Variants in TBC1D22A observed in about 807,000 individuals in gnomAD.
TBC1D22A encodes the protein putative GTPase activator.
In TBC1D22A, 38 loss-of-function variants were observed where a neutral mutation model predicts 60.2. The observed-to-expected ratio is 0.63, with a 90% CI of 0.49 to 0.83. The LOEUF (loss-of-function observed/expected upper bound fraction) is 0.83. Ranked by LOEUF, TBC1D22A falls within the 40% of genes least tolerant of loss-of-function variation. The probability of loss-of-function intolerance (pLI) is 0.00; values close to 1 mark genes in which losing one functional copy is unlikely to be tolerated. For missense variants in TBC1D22A, 628 were observed against 701.0 expected (o/e 0.90, Z 1.18); for synonymous variants, 302 against 281.7 (o/e 1.07, Z -0.72).
chr22:47,034,539 C>T (rs944594764), intron 10 of TBC1D22A, among the ~76,000 whole-genome samples: 7 of 152,180 alleles, frequency 4.6e-5, no homozygotes, highest in African/African-American at 1.7e-4. Flanking sequence ...TTTGGGAATC[C>T]CTGAGGTCAC....
chr22:47,013,019 C>G (rs746218701), intron 10 of TBC1D22A, among the ~76,000 whole-genome samples: 4 of 152,116 alleles, frequency 2.6e-5, no homozygotes, highest in Admixed American at 6.6e-5. Flanking sequence ...TGGGGTGGAC[C>G]GGGAGAGGGC....
chr22:46,801,263 A>T (rs1233752817), intron 4 of TBC1D22A, among the ~76,000 whole-genome samples: 3 of 152,236 alleles, frequency 2.0e-5, no homozygotes, highest in African/African-American at 4.8e-5. Flanking sequence ...CTGTTTTTAT[A>T]AGGCAGTTAA....
Position 46,845,115 on chromosome 22 carries a change from G to C in TBC1D22A, c.638-33538G>C, listed in dbSNP as rs181742245. Among the ~76,000 whole-genome samples, 439 of 152,326 alleles carry C rather than the reference G, an allele frequency of 2.9e-3. 2 individuals are homozygous for C. The highest frequency in any genetic ancestry group is 5.0e-3 in the Non-Finnish European group (338 of 68,028). ...CCTGTGCCAGGAGAAGGCCATTTTG[G>C]TGAGACGAGGAATGTCTTTGTTGAT... On this transcript the variant is annotated intron_variant, in intron 4 of 12. Coordinates refer to ENST00000337137, the MANE Select transcript of TBC1D22A (RefSeq NM_014346.5).
intron 7 of TBC1D22A, among the ~76,000 whole-genome samples, chr22:46,897,246 G>T (rs1426642645): frequency 2.0e-5 from 3 of 152,112 alleles, no homozygotes; most frequent in African/African-American, 7.2e-5. Flanking sequence ...CAGCTCAAGG[G>T]CCTGGTAACT....
chr22:47,114,240 A>G (rs2065950102), intron 12 of TBC1D22A, among the ~76,000 whole-genome samples: 1 of 145,080 alleles, frequency 6.9e-6, no homozygotes, highest in Non-Finnish European at 1.5e-5. Flanking sequence ...CCACACGGCC[A>G]GGGTGTGGGG....
chr22:47,136,820 G>A (rs1268269294), intron 12 of TBC1D22A, among the ~76,000 whole-genome samples: 1 of 152,140 alleles, frequency 6.6e-6, no homozygotes, highest in Non-Finnish European at 1.5e-5. Flanking sequence ...GCCTCATCAG[G>A]ACCCCTCTTG....
chr22:46,867,512 C>T (rs774175448), intron 4 of TBC1D22A, among the ~76,000 whole-genome samples: 2 of 152,148 alleles, frequency 1.3e-5, no homozygotes, highest in Non-Finnish European at 1.5e-5. Flanking sequence ...CCCTCCACAT[C>T]GATAAATGAG....
chr22:46,983,799 C>T (rs1025654027), intron 9 of TBC1D22A, among the ~76,000 whole-genome samples: 6 of 150,354 alleles, frequency 4.0e-5, no homozygotes, highest in Admixed American at 1.3e-4. Context: ...CTGTTTCTTT[C>T]AGTGGTTTCA....
rs146630523 is a variant in TBC1D22A, at chr22:47,025,150, A to G, written c.1202-11921A>G. Among the ~76,000 whole-genome samples the G allele has an allele frequency of 1.9e-3, 297 of 152,356 alleles. 4 individuals carry two copies. The highest frequency in any genetic ancestry group is 1.2e-3 in the East Asian group (6 of 5,176). ...TAAAAATGCAACAAGAAATGGACAG[A>G]GACACAGTCACTGAAGGAGATTTTG... On this transcript the variant is annotated intron_variant, in intron 10 of 12. Coordinates refer to ENST00000337137, the MANE Select transcript of TBC1D22A (RefSeq NM_014346.5).
intron 8 of TBC1D22A, among the ~76,000 whole-genome samples, chr22:46,929,530 T>C (rs549544585): frequency 6.6e-6 from 1 of 152,316 alleles, no homozygotes; most frequent in South Asian, 2.1e-4. Context: ...GATGCTTTAG[T>C]ATTCACACGC....
In TBC1D22A at chr22:46,882,112, T is replaced by C. The variant is rs531837570; in HGVS notation, c.708+3389T>C. The stretch of plus-strand genomic sequence containing the variant: ...TTCCCTGAATCCCAAGGTTTAAACC[T>C]GGCTTCCCATTCAACTCTCCTGGGA... On this transcript the variant is annotated intron_variant, in intron 5 of 12. Transcript: ENST00000337137. Among the ~76,000 whole-genome samples the C allele has an allele frequency of 2.7e-4, 41 of 152,290 alleles. 1 individual carries two copies. The East Asian group carries it at 6.8e-3, about 25-fold the overall frequency.
intron 1 of TBC1D22A, chr22:46,773,980 A>G: frequency 2.0e-6 from 2 of 985,514 alleles, no homozygotes; most frequent in Non-Finnish European, 1.2e-6. Context: ...TCCATTCCCT[A>G]GGGGACTTAA....
At chr22:47,127,288 C>T (rs1283788050) in intron 12 of TBC1D22A, among the ~76,000 whole-genome samples, 8 of 146,432 alleles carry the variant, frequency 5.5e-5, no homozygotes, top group South Asian at 2.1e-4. Flanking sequence ...AGTGCAGTGA[C>T]GCGATCTTGG....
chr22:47,040,842 A>T (rs887316054), intron 11 of TBC1D22A, among the ~76,000 whole-genome samples: 3 of 152,114 alleles, frequency 2.0e-5, no homozygotes, highest in African/African-American at 7.2e-5. Context: ...CAGGGCTCTG[A>T]GTATGGTGAG....
intron 11 of TBC1D22A, among the ~76,000 whole-genome samples, chr22:47,090,411 T>C (rs2064875057): frequency 6.6e-6 from 1 of 152,228 alleles, no homozygotes; most frequent in African/African-American, 2.4e-5. Context: ...GCTCGTCCCC[T>C]ACTGCCACTC....
chr22:46,861,895 G>T (rs1463519495), intron 4 of TBC1D22A, among the ~76,000 whole-genome samples: 1 of 152,216 alleles, frequency 6.6e-6, no homozygotes, highest in Non-Finnish European at 1.5e-5. Context: ...ATGAGAACAT[G>T]TCTGTAGAAG....
chr22:47,035,801 C>T (rs1025771935), intron 10 of TBC1D22A, among the ~76,000 whole-genome samples: 11 of 152,172 alleles, frequency 7.2e-5, no homozygotes, highest in South Asian at 2.1e-4. Context: ...CCCGGTCCCA[C>T]GGCCCTGAAG....
chr22:46,899,549 G>A (rs1287349567), intron 7 of TBC1D22A, among the ~76,000 whole-genome samples: 1 of 152,210 alleles, frequency 6.6e-6, no homozygotes. Context: ...ACATCTGCAA[G>A]TGATGGCAAA....
intron 12 of TBC1D22A, among the ~76,000 whole-genome samples, chr22:47,124,810 C>T (rs1018306129): frequency 2.0e-5 from 3 of 151,988 alleles, no homozygotes; most frequent in Admixed American, 6.5e-5. Context: ...CGAGGTCCGC[C>T]AGTCTGAGCA....
Sources: gnomAD v4.1 joint callset for allele counts (sites outside exome capture counted in the v4.1 genomes callset) on GRCh38, gnomAD v4.1.1 for gene constraint, MANE v1.5 for transcripts, NCBI Gene and HGNC (gene_info 2026-07-23, HGNC 2026-07-21) for gene names.